The following EIF4E3 variants were observed in gnomAD, a reference collection of about 807,000 sequenced individuals.
The protein encoded by EIF4E3 is eukaryotic translation initiation factor 4E family member 3.
EIF4E3 carries 26 observed loss-of-function variants against 31.7 expected under a neutral mutation model. The observed-to-expected ratio is 0.82, with a 90% confidence interval of 0.60 to 1.14. The LOEUF is 1.14. EIF4E3 is among the 50% of genes most tolerant of loss of function. EIF4E3 has a pLI of 0.00. For missense variants in EIF4E3, 304 were observed against 270.9 expected (o/e 1.12, Z -0.86); for synonymous variants, 128 against 107.7 (o/e 1.19, Z -1.17).
At chr3:71,695,948 T>C (rs1051542825) in intron 4 of EIF4E3, among the ~76,000 whole-genome samples, 7 of 152,172 alleles carry the variant, frequency 4.6e-5, no homozygotes, top group African/African-American at 1.7e-4. Context: ...CATCACACCA[T>C]CCAGGTTCTC....
chr3:71,712,333 G>A (rs372242456), intron 1 of EIF4E3, among the ~76,000 whole-genome samples: 1 of 152,208 alleles, frequency 6.6e-6, no homozygotes, highest in African/African-American at 2.4e-5. Context: ...TGGATTGACT[G>A]GGCTATAGTT....
intron 2 of EIF4E3, among the ~76,000 whole-genome samples, chr3:71,704,230 A>G (rs1449026086): frequency 5.3e-5 from 8 of 152,186 alleles, no homozygotes; most frequent in Non-Finnish European, 1.0e-4. Context: ...AGTTAGTAAA[A>G]ACCAACTCTG....
chr3:71,669,961 C>T, the EIF4E3 span, among the ~76,000 whole-genome samples: 1 of 152,218 alleles, frequency 6.6e-6, no homozygotes, highest in African/African-American at 2.4e-5. Flanking sequence ...CATAAACCGT[C>T]CTTGAGGACA....
At chr3:71,723,232 G>C (rs554497538) in intron 1 of EIF4E3, among the ~76,000 whole-genome samples, 1 of 152,308 alleles carries the variant, frequency 6.6e-6, no homozygotes, top group South Asian at 2.1e-4. Context: ...ATCATAATGT[G>C]TTCATAACCT....
chr3:71,710,668 GCTT>G (rs1346831373), intron 1 of EIF4E3, among the ~76,000 whole-genome samples, 184 bp from the exon 2 acceptor site: 6 of 152,006 alleles, frequency 3.9e-5, no homozygotes, highest in African/African-American at 1.4e-4. Context: ...TCATGTGTTG[GCTT>G]CTTCTAAAAA....
chr3:71,750,149 C>T (rs185564382), intron 1 of EIF4E3, among the ~76,000 whole-genome samples: 3 of 152,284 alleles, frequency 2.0e-5, no homozygotes, highest in Admixed American at 6.5e-5. Context: ...TCTTTTGTGT[C>T]CTTTTCTGAA....
chr3:71,715,640 C>T (rs978359187), intron 1 of EIF4E3, among the ~76,000 whole-genome samples: 4 of 152,138 alleles, frequency 2.6e-5, no homozygotes, highest in East Asian at 1.9e-4. Context: ...CGCCCTCCCA[C>T]GGTATACAGC....
chr3:71,733,160 G>A (rs894179693), intron 1 of EIF4E3, among the ~76,000 whole-genome samples: 2 of 152,194 alleles, frequency 1.3e-5, no homozygotes, highest in African/African-American at 4.8e-5. Context: ...TGAAAGTTCT[G>A]AGTCCCAGAA....
At chr3:71,691,560 G>A (rs79819197) in intron 5 of EIF4E3, among the ~76,000 whole-genome samples, 3 of 152,166 alleles carry the variant, frequency 2.0e-5, no homozygotes, top group Admixed American at 6.5e-5. Context: ...TACCTTTGAA[G>A]GAAGGAAAGA....
At chr3:71,710,619 T>C (rs910055878) in intron 1 of EIF4E3, 135 bp from the exon 2 acceptor site, 37 of 762,576 alleles carry the variant, frequency 4.9e-5, no homozygotes, top group Non-Finnish European at 7.8e-5. Context: ...TTGGGGATGC[T>C]AGTTGGAATT....
At chr3:71,717,242 A>G (rs1354272384) in intron 1 of EIF4E3, among the ~76,000 whole-genome samples, 1 of 152,164 alleles carries the variant, frequency 6.6e-6, no homozygotes, top group Admixed American at 6.5e-5. Context: ...ATCCTATGTG[A>G]TTTGCATGTA....
chr3:71,709,113 C>G (rs116687946), intron 2 of EIF4E3, among the ~76,000 whole-genome samples: 1,622 of 152,258 alleles, frequency 0.011, 27 homozygotes, highest in African/African-American at 0.037. Flanking sequence ...CTCTGTGCTA[C>G]TTCTGCATGT....
Position 71,699,555 on chromosome 3 carries a change from A to C in EIF4E3, c.344+59T>G, listed in dbSNP as rs931563765. ...CACATCTCAGGTGATATGATCTTTT[A>C]TGAGGTTCACAAACATTTTCCTCCC... On this transcript the variant is annotated intron_variant, in intron 3 of 6. Transcript: ENST00000425534. The C allele has an allele frequency of 2.1e-6, 3 of 1,421,372 alleles. No homozygotes were observed. In the African/African-American group the frequency reaches 4.2e-5, roughly 20 times the overall value. 88.0% of individuals were successfully genotyped at this position (1,421,372 alleles called of 1,614,324 possible).
chr3:71,707,018 C>G (rs1559598900), intron 2 of EIF4E3, among the ~76,000 whole-genome samples: 1 of 152,174 alleles, frequency 6.6e-6, no homozygotes, highest in Non-Finnish European at 1.5e-5. Flanking sequence ...ACATACACCT[C>G]TGTGTTAGTG....
chr3:71,660,553 C>T, the EIF4E3 span, among the ~76,000 whole-genome samples: 1 of 152,142 alleles, frequency 6.6e-6, no homozygotes, highest in East Asian at 1.9e-4. Flanking sequence ...CCGAGGGATC[C>T]TTAGAGCCTA....
chr3:71,676,557 T>G lies in EIF4E3; in HGVS notation c.*8125A>C, dbSNP rs1373023214. 2.0e-5 allele frequency: 3 copies of G among 152,202 alleles called. No homozygotes were observed. The highest frequency in any genetic ancestry group is 2.9e-5 in the Non-Finnish European group (2 of 68,036). The allele number at this position is 152,202 out of a possible 1,614,324, so 9.4% of individuals were successfully genotyped here. A position where few individuals can be genotyped will look rare whatever the true frequency, so the allele number is the denominator to read the frequency against. On this transcript the variant is annotated 3_prime_UTR_variant, in exon 7 of 7. Coordinates refer to ENST00000425534, the MANE Select transcript of EIF4E3 (RefSeq NM_001134651.2). ...TTACTGGCTTCCAAAATGTTAAAATTTGGCCATGTGATGCATGTCACTGTG... is the reference window on the plus strand; with the variant it reads ...TTACTGGCTTCCAAAATGTTAAAATGTGGCCATGTGATGCATGTCACTGTG...
intron 1 of EIF4E3, 74 bp from the exon 2 acceptor site, chr3:71,710,558 A>C: frequency 1.4e-6 from 2 of 1,427,090 alleles, no homozygotes; most frequent in East Asian, 5.0e-5. Flanking sequence ...CCACAGTAGA[A>C]TCTTTCACGT....
intron 1 of EIF4E3, among the ~76,000 whole-genome samples, chr3:71,749,581 T>C (rs1030029217): frequency 3.9e-5 from 6 of 152,190 alleles, no homozygotes; most frequent in Non-Finnish European, 8.8e-5. Flanking sequence ...AGGGAACCCA[T>C]GACCTTGACT....
Position 71,699,584 on chromosome 3 carries a change from T to A in EIF4E3, c.344+30A>T, listed in dbSNP as rs376075625. Reference sequence around the variant, plus strand: ...GGTTCACAAACATTTTCCTCCCACCTTGACCTTAAATTACACGTTAGACAC... The same window carrying A: ...GGTTCACAAACATTTTCCTCCCACCATGACCTTAAATTACACGTTAGACAC... On this transcript the variant is annotated intron_variant, in intron 3 of 6. Coordinates refer to ENST00000425534, the MANE Select transcript of EIF4E3 (RefSeq NM_001134651.2). 3 of 1,592,396 alleles carry A rather than the reference T, an allele frequency of 1.9e-6. No individual in the cohort carries two copies. The Admixed American group carries it at 5.0e-5, about 27-fold the overall frequency.
Sources: allele counts gnomAD v4.1 joint callset (sites outside exome capture counted in the v4.1 genomes callset), GRCh38; gene constraint gnomAD v4.1.1; transcripts MANE v1.5; gene names NCBI Gene and HGNC (gene_info 2026-07-23, HGNC 2026-07-21).